Variants in CSNK1G3 observed in about 807,000 individuals in gnomAD.
CSNK1G3 encodes the protein casein kinase I isoform gamma-3.
Under a neutral mutation model 64.3 loss-of-function variants are expected in CSNK1G3, and 23 were observed. The observed-to-expected ratio is 0.36, with a 90% CI of 0.26 to 0.51. CSNK1G3 has a LOEUF of 0.51. Ranked by LOEUF, CSNK1G3 falls within the 20% of genes least tolerant of loss-of-function variation. The pLI, the probability that CSNK1G3 is intolerant of heterozygous loss-of-function variation, is 0.96. For synonymous variants in CSNK1G3, 158 were observed against 162.2 expected, an observed-to-expected ratio of 0.97 and a Z score of 0.20; for missense variants, 357 against 510.5, an observed-to-expected ratio of 0.70 and a Z score of 2.90.
chr5:123,513,174 A>G (rs1434028367), intron 1 of CSNK1G3, among the ~76,000 whole-genome samples: 1 of 152,150 alleles, frequency 6.6e-6, no homozygotes, highest in Admixed American at 6.5e-5. Flanking sequence ...GACATTAGTC[A>G]AAGGTTAGCA....
At chr5:123,512,631 C>G (rs10054622) in intron 1 of CSNK1G3, 61 bp downstream of exon 1, 33,679 of 147,542 alleles carry the variant, frequency 0.23, 4,025 homozygotes, top group Middle Eastern at 0.28. Context: ...TGCCTCGGCG[C>G]GGCCGCGGCG....
chr5:123,520,280 A>G (rs1777876991), intron 1 of CSNK1G3, among the ~76,000 whole-genome samples: 2 of 152,202 alleles, frequency 1.3e-5, no homozygotes, highest in Admixed American at 1.3e-4. Context: ...ATGTATACAT[A>G]GATACATATA....
Position 123,587,930 on chromosome 5 carries a change from T to G in CSNK1G3, c.674-138T>G, listed in dbSNP as rs569814608. 5.6e-5 allele frequency: 31 copies of G among 548,756 alleles called. No homozygotes were observed. The East Asian group carries it at 1.1e-3, about 19-fold the overall frequency. 34.0% of individuals were successfully genotyped at this position (548,756 alleles called of 1,614,324 possible). A position where few individuals can be genotyped will look rare whatever the true frequency, so the allele number is the denominator to read the frequency against. On this transcript the variant is annotated intron_variant, in intron 6 of 12. Transcript: ENST00000345990. ...TATATAGATATAATTTTATCACTTATAGTTACTAGATCTGTATTTTGTATT... is the reference window on the plus strand; with the variant it reads ...TATATAGATATAATTTTATCACTTAGAGTTACTAGATCTGTATTTTGTATT...
At chr5:123,571,275 GTTTGTTTTGT>G (rs916862830) in intron 4 of CSNK1G3, among the ~76,000 whole-genome samples, 19 of 151,938 alleles carry the variant, frequency 1.3e-4, no homozygotes, top group Admixed American at 1.1e-3. Context: ...TTTTTTGTTT[GTTTGTTTTGT>G]TTTGTTTTGT....
chr5:123,512,934 T>C (rs938664196), intron 1 of CSNK1G3, among the ~76,000 whole-genome samples: 3 of 151,726 alleles, frequency 2.0e-5, no homozygotes, highest in Non-Finnish European at 4.4e-5. Flanking sequence ...TTAGGAGAGA[T>C]TGGGAGGTGG....
chr5:123,588,292 G>A, intron 7 of CSNK1G3, 135 bp from the exon 8 acceptor site: 1 of 1,017,728 alleles, frequency 9.8e-7, no homozygotes, highest in Admixed American at 2.0e-5. Flanking sequence ...GCCCAGGCTG[G>A]TCTCAAACTC....
intron 1 of CSNK1G3, among the ~76,000 whole-genome samples, chr5:123,538,840 A>G (rs1781240415): frequency 6.6e-6 from 1 of 152,170 alleles, no homozygotes; most frequent in African/African-American, 2.4e-5. Flanking sequence ...TTTTAAAGCT[A>G]TCATTTGATG....
chr5:123,596,938 C>T (rs1793549096), intron 10 of CSNK1G3, among the ~76,000 whole-genome samples: 1 of 152,044 alleles, frequency 6.6e-6, no homozygotes, highest in Admixed American at 6.6e-5. Context: ...AATTTATGTC[C>T]TATACACTTT....
At chr5:123,561,025 T>C (rs1397963152) in intron 4 of CSNK1G3, among the ~76,000 whole-genome samples, 3 of 152,180 alleles carry the variant, frequency 2.0e-5, no homozygotes, top group African/African-American at 7.2e-5. Context: ...TTTAGAATTA[T>C]TTAGTGGGGT....
chr5:123,597,307 T>C (rs893996926), intron 10 of CSNK1G3, among the ~76,000 whole-genome samples: 1 of 152,276 alleles, frequency 6.6e-6, no homozygotes, highest in Middle Eastern at 3.4e-3. Flanking sequence ...AAAAAATTAT[T>C]CTTAATAAAC....
chr5:123,607,975 T>C (rs1795647730), intron 12 of CSNK1G3, among the ~76,000 whole-genome samples: 1 of 152,164 alleles, frequency 6.6e-6, no homozygotes, highest in Admixed American at 6.6e-5. Flanking sequence ...TTTTTCTTTT[T>C]TAAGAGATGG....
chr5:123,560,294 G>T (rs190443637), intron 4 of CSNK1G3, among the ~76,000 whole-genome samples: 18 of 152,264 alleles, frequency 1.2e-4, no homozygotes, highest in Admixed American at 1.1e-3. Context: ...AAAAGCCACC[G>T]TGGAAAATTG....
At chr5:123,559,003 T>G (rs1785157108) in intron 4 of CSNK1G3, among the ~76,000 whole-genome samples, 2 of 152,166 alleles carry the variant, frequency 1.3e-5, no homozygotes, top group Admixed American at 1.3e-4. Flanking sequence ...CTTAAGAGAT[T>G]CTGGAGGTTG....
At chr5:123,552,265 C>T (rs1783822917) in intron 2 of CSNK1G3, among the ~76,000 whole-genome samples, 2 of 152,024 alleles carry the variant, frequency 1.3e-5, no homozygotes. Flanking sequence ...CCTGCCTCAG[C>T]CTCCTGAGTA....
At chr5:123,530,928 G>A (rs924048037) in intron 1 of CSNK1G3, among the ~76,000 whole-genome samples, 19 of 152,184 alleles carry the variant, frequency 1.2e-4, no homozygotes, top group African/African-American at 4.6e-4. Context: ...CCAGTAACTG[G>A]GACACTTGCT....
chr5:123,585,812 G>T (rs550222584), intron 6 of CSNK1G3, among the ~76,000 whole-genome samples: 59 of 152,292 alleles, frequency 3.9e-4, no homozygotes, highest in African/African-American at 1.3e-3. Flanking sequence ...GGTTGGACAG[G>T]TGCAACTGAA....
intron 3 of CSNK1G3, among the ~76,000 whole-genome samples, chr5:123,556,104 G>A (rs1262401018): frequency 6.6e-6 from 1 of 152,056 alleles, no homozygotes; most frequent in African/African-American, 2.4e-5. Context: ...TAGTTTCAGT[G>A]TCTGTGCTCT....
Position 123,605,323 on chromosome 5 carries a change from T to TG in CSNK1G3, c.1194-16_1194-15insG. ...CTTTTTTTTCCTTGTATTTTTTTTTTTGTGTGTGCGTATAGCTGCCAGAAA... is the reference window on the plus strand; with the variant it reads ...CTTTTTTTTCCTTGTATTTTTTTTTTGTGTGTGTGCGTATAGCTGCCAGAAA... On this transcript the variant is annotated splice_polypyrimidine_tract_variant and intron_variant, in intron 11 of 12. Coordinates refer to ENST00000345990, the Ensembl canonical transcript of CSNK1G3. 6.3e-7 allele frequency: 1 copy of TG among 1,596,690 alleles called. No individual in the cohort carries two copies. Among genetic ancestry groups the TG allele is most frequent in the South Asian group, 1.2e-5 (1 of 86,516 alleles).
intron 10 of CSNK1G3, among the ~76,000 whole-genome samples, chr5:123,603,052 C>G (rs555064177): frequency 2.6e-5 from 4 of 152,092 alleles, no homozygotes; most frequent in Admixed American, 6.6e-5. Flanking sequence ...GAGTCTAGAC[C>G]CATCTTACTC....
Sources: allele counts gnomAD v4.1 joint callset (sites outside exome capture counted in the v4.1 genomes callset), GRCh38; gene constraint gnomAD v4.1.1; transcripts MANE v1.5; gene names NCBI Gene and HGNC (gene_info 2026-07-23, HGNC 2026-07-21).